The following SLC12A1 variants were observed in gnomAD, a reference collection of about 807,000 sequenced individuals.
SLC12A1 encodes the protein solute carrier family 12 member 1, also known as Na-K-2Cl cotransporter.
A neutral mutation model predicts 130.4 loss-of-function variants in SLC12A1; 89 were observed. The observed-to-expected ratio is 0.68, with a 90% CI of 0.58 to 0.81. The LOEUF (loss-of-function observed/expected upper bound fraction) is 0.81, where lower values mean the gene tolerates loss of function less well. Ranked by LOEUF, SLC12A1 falls within the 40% of genes least tolerant of loss-of-function variation. SLC12A1 has a pLI of 0.00. For missense variants in SLC12A1, 1,310 were observed against 1,336.4 expected (o/e 0.98, Z 0.31); for synonymous variants, 499 against 460.0 (o/e 1.08, Z -1.09).
At chr15:48,299,316 G>C (rs1718219133) in intron 25 of SLC12A1, 41 bp downstream of exon 25, 1 of 1,498,020 alleles carries the variant, frequency 6.7e-7, no homozygotes, top group South Asian at 1.4e-5. Context: ...TGTCTAACTA[G>C]CTGAGAAAGG....
At chr15:48,289,455 A>C (rs937420395) in intron 23 of SLC12A1, among the ~76,000 whole-genome samples, 25 of 124,022 alleles carry the variant, frequency 2.0e-4, no homozygotes, top group African/African-American at 8.7e-4. Context: ...TAACTGTATA[A>C]TGTATAATGT....
chr15:48,218,806 A>G (rs1178349590), intron 2 of SLC12A1, among the ~76,000 whole-genome samples: 22 of 152,216 alleles, frequency 1.4e-4, no homozygotes, highest in Non-Finnish European at 4.4e-5. Flanking sequence ...TCAGAGCTCA[A>G]AGAAGTACAG....
At chr15:48,212,944 T>C (rs969954558) in intron 2 of SLC12A1, among the ~76,000 whole-genome samples, 3 of 152,202 alleles carry the variant, frequency 2.0e-5, no homozygotes, top group African/African-American at 7.2e-5. Context: ...GTTGAGAACT[T>C]GTTATGTTTC....
chr15:48,263,698 T>C (rs1362809660), intron 17 of SLC12A1, among the ~76,000 whole-genome samples: 1 of 152,030 alleles, frequency 6.6e-6, no homozygotes, highest in Non-Finnish European at 1.5e-5. Flanking sequence ...TTTATTTATT[T>C]ATTTATTTAT....
chr15:48,275,477 T>C (rs1245268861), intron 20 of SLC12A1, among the ~76,000 whole-genome samples: 2 of 152,064 alleles, frequency 1.3e-5, no homozygotes, highest in African/African-American at 4.8e-5. Context: ...ATAATAGGTA[T>C]AAATAAGGAA....
Position 48,241,499 on chromosome 15 carries a change from C to A in SLC12A1, c.1216-16C>A, listed in dbSNP as rs774321189. 6 of 1,583,546 alleles carry A rather than the reference C, an allele frequency of 3.8e-6. No homozygotes were observed. The highest frequency in any genetic ancestry group is 3.3e-5 in the South Asian group (3 of 90,494). On this transcript the variant is annotated splice_polypyrimidine_tract_variant and intron_variant, in intron 9 of 26. Coordinates refer to ENST00000380993, the MANE Select transcript of SLC12A1 (RefSeq NM_000338.3). ...TCTGCTCTGTATTCTTCTACCTCCA[C>A]ATTATTTTTTTAAAGGATCCCCAAG...
In SLC12A1 at chr15:48,267,537, C is replaced by A. The variant is rs2041844962; in HGVS notation, c.2155-24C>A. 3.1e-6 allele frequency: 5 copies of A among 1,612,372 alleles called. No individual in the cohort carries two copies. The Admixed American group carries it at 6.7e-5, about 22-fold the overall frequency. ...GTGATATATAATAGCAGGGTTCTAA[C>A]CAATATTTCATTGTGTCACACAGGG... is the stretch of plus-strand genomic sequence containing the variant. On this transcript the variant is annotated intron_variant, in intron 17 of 26. Coordinates refer to ENST00000380993, the MANE Select transcript of SLC12A1 (RefSeq NM_000338.3).
rs535046502 is a variant in SLC12A1 at position 48,212,389 on chromosome 15, T to G, written c.420+4250T>G. On this transcript the variant is annotated intron_variant, in intron 2 of 26. Transcript: ENST00000380993. ...ATCAATCTAACTTTCTGTTTATATT[T>G]ATTTTCAAACATGTACCAGACGTAT... is the stretch of plus-strand genomic sequence containing the variant. Among the ~76,000 whole-genome samples, 24 of 152,348 alleles carry G rather than the reference T, an allele frequency of 1.6e-4. No individual in the cohort carries two copies. In the East Asian group the frequency reaches 4.6e-3, roughly 29 times the overall value.
At chr15:48,265,866 C>A (rs1052999437) in intron 17 of SLC12A1, among the ~76,000 whole-genome samples, 2 of 151,422 alleles carry the variant, frequency 1.3e-5, no homozygotes, top group Non-Finnish European at 2.9e-5. Context: ...TTTCTAGTAG[C>A]CAATTAAAAA....
chr15:48,280,454 C>T (rs969513261), intron 20 of SLC12A1, among the ~76,000 whole-genome samples: 8 of 152,056 alleles, frequency 5.3e-5, no homozygotes, highest in Admixed American at 2.0e-4. Flanking sequence ...TTTCTTCCAC[C>T]GTCATAACTT....
rs1384562593 is a variant in SLC12A1, at chr15:48,206,324, C to CT, written c.-191dup. ...GTTACATTTCCTCAGAAGAAGGCTC[C>CT]TTGGTGGTAAGTTGAACATTTCTGG... is the stretch of plus-strand genomic sequence containing the variant. On this transcript the variant is annotated 5_prime_UTR_variant, in exon 1 of 27. Coordinates refer to ENST00000380993, the MANE Select transcript of SLC12A1 (RefSeq NM_000338.3). The CT allele has an allele frequency of 6.6e-6, 1 of 152,162 alleles. No homozygotes were observed. Among genetic ancestry groups the CT allele is most frequent in the Non-Finnish European group, 1.5e-5 (1 of 68,038 alleles). 9.4% of individuals were successfully genotyped at this position (152,162 alleles called of 1,614,324 possible).
chr15:48,226,414 G>A, intron 4 of SLC12A1, 62 bp from the exon 5 acceptor site: 1 of 1,029,622 alleles, frequency 9.7e-7, no homozygotes, highest in Non-Finnish European at 1.5e-6. Context: ...GTAGTTTGCA[G>A]CAATAGGGAA....
chr15:48,230,214 T>G (rs1053468554), intron 6 of SLC12A1, among the ~76,000 whole-genome samples, 179 bp from the exon 7 acceptor site: 1 of 152,190 alleles, frequency 6.6e-6, no homozygotes, highest in African/African-American at 2.4e-5. Context: ...AAAGGCCTAT[T>G]ATCACAGAAA....
At chr15:48,289,997 C>T (rs1392278578) in intron 23 of SLC12A1, among the ~76,000 whole-genome samples, 1 of 152,150 alleles carries the variant, frequency 6.6e-6, no homozygotes, top group African/African-American at 2.4e-5. Flanking sequence ...TTACCGTAAA[C>T]ATTTTTACTT....
chr15:48,226,075 C>A, intron 4 of SLC12A1: 3 of 189,514 alleles, frequency 1.6e-5, no homozygotes, highest in African/African-American at 2.4e-5. Context: ...CCCCATCAGG[C>A]AAAGAGATGC....
At chr15:48,239,113 G>A (rs1237684964) in intron 9 of SLC12A1, among the ~76,000 whole-genome samples, 1 of 152,186 alleles carries the variant, frequency 6.6e-6, no homozygotes, top group Admixed American at 6.5e-5. Flanking sequence ...CCAATAATTT[G>A]TCAAAGTCCT....
intron 3 of SLC12A1, 34 bp from the exon 4 acceptor site, chr15:48,220,887 T>C (rs1397679167): frequency 6.2e-7 from 1 of 1,613,058 alleles, no homozygotes. Flanking sequence ...CTATCGTTTG[T>C]CCTGTCTCCT....
At chr15:48,214,873 G>A (rs2041100351) in intron 2 of SLC12A1, among the ~76,000 whole-genome samples, 6 of 151,618 alleles carry the variant, frequency 4.0e-5, no homozygotes, top group Admixed American at 2.6e-4. Flanking sequence ...ACATATGTTT[G>A]AATATGACAA....
At chr15:48,302,552 G>A (rs112807651) in intron 26 of SLC12A1, among the ~76,000 whole-genome samples, 198 bp from the exon 27 acceptor site, 155 of 145,146 alleles carry the variant, frequency 1.1e-3, no homozygotes, top group Middle Eastern at 3.5e-3. Flanking sequence ...CCCGGGAAGC[G>A]GAGCTTGCAG....
Sources: gnomAD v4.1 joint callset for allele counts (sites outside exome capture counted in the v4.1 genomes callset) on GRCh38, gnomAD v4.1.1 for gene constraint, MANE v1.5 for transcripts, NCBI Gene and HGNC (gene_info 2026-07-23, HGNC 2026-07-21) for gene names.